ERP44: variants seen among roughly 807,000 people sequenced by gnomAD.
ERP44 encodes the protein endoplasmic reticulum protein 44.
In ERP44, 25 loss-of-function variants were observed where a neutral mutation model predicts 53.4. That is an observed-to-expected ratio of 0.47 (90% confidence interval 0.34 to 0.65). The LOEUF is 0.65. Ranked by LOEUF, ERP44 falls within the 30% of genes least tolerant of loss-of-function variation. ERP44 has a pLI of 0.01. For missense variants in ERP44, 338 were observed against 493.2 expected (o/e 0.69, Z 2.98); for synonymous variants, 145 against 161.2 (o/e 0.90, Z 0.76).
At chr9:99,998,736 CT>C (rs1830343127) in intron 10 of ERP44, 5 of 733,780 alleles carry the variant, frequency 6.8e-6, no homozygotes, top group Non-Finnish European at 1.2e-5. Context: ...CATCTCTTTT[CT>C]TTTTTCCTCT....
intron 1 of ERP44, among the ~76,000 whole-genome samples, chr9:100,093,875 A>T (rs749993423): frequency 6.6e-6 from 1 of 152,218 alleles, no homozygotes; most frequent in Non-Finnish European, 1.5e-5. Context: ...CAATAATTTG[A>T]CATTATACCT....
chr9:100,077,202 C>T (rs1826367337), intron 1 of ERP44, among the ~76,000 whole-genome samples: 1 of 152,322 alleles, frequency 6.6e-6, no homozygotes, highest in South Asian at 2.1e-4. Flanking sequence ...TCCGTGGACT[C>T]GAGGCATGCC....
At chr9:100,027,898 AAAAC>A (rs1317240186) in intron 4 of ERP44, among the ~76,000 whole-genome samples, 1 of 152,144 alleles carries the variant, frequency 6.6e-6, no homozygotes, top group Non-Finnish European at 1.5e-5. Context: ...TGCACCCCTC[AAAAC>A]AAACAAAAAA....
At chr9:99,995,920 C>CT (rs34632626) in intron 10 of ERP44, among the ~76,000 whole-genome samples, 13,994 of 121,440 alleles carry the variant, frequency 0.12, 893 homozygotes, top group African/African-American at 0.17. Context: ...TAGGGTAGTT[C>CT]TTTTTTTTTT....
At chr9:100,077,765 A>G (rs1826374257) in intron 1 of ERP44, among the ~76,000 whole-genome samples, 1 of 152,268 alleles carries the variant, frequency 6.6e-6, no homozygotes, top group Admixed American at 6.5e-5. Context: ...TGACTGACCC[A>G]GACTATGAAG....
At chr9:100,068,598 C>A (rs1457343482) in intron 1 of ERP44, among the ~76,000 whole-genome samples, 1 of 145,564 alleles carries the variant, frequency 6.9e-6, no homozygotes, top group Non-Finnish European at 1.5e-5. Context: ...CGGCCGGCTG[C>A]CCCGTCCGGG....
intron 1 of ERP44, among the ~76,000 whole-genome samples, chr9:100,073,466 A>T (rs1475758331): frequency 6.6e-6 from 1 of 152,196 alleles, no homozygotes; most frequent in African/African-American, 2.4e-5. Context: ...AACCTTAGGC[A>T]TGCATTTCTC....
chr9:100,033,090 A>G (rs1012571597), intron 4 of ERP44, among the ~76,000 whole-genome samples: 1 of 152,228 alleles, frequency 6.6e-6, no homozygotes, highest in African/African-American at 2.4e-5. Context: ...ATTTGTTTCT[A>G]CCTGATTTCT....
chr9:100,050,392 C>T (rs1185149600), intron 4 of ERP44, among the ~76,000 whole-genome samples: 6 of 151,756 alleles, frequency 4.0e-5, no homozygotes, highest in African/African-American at 7.3e-5. Context: ...AGCACTGATA[C>T]GTATATCAGT....
chr9:100,026,398 C>T (rs1032318471), intron 4 of ERP44, among the ~76,000 whole-genome samples: 1 of 152,020 alleles, frequency 6.6e-6, no homozygotes, highest in Non-Finnish European at 1.5e-5. Flanking sequence ...TTAAGACAGA[C>T]AGGAAGAAAG....
rs1472988280 is a variant in ERP44 at position 100,052,530 on chromosome 9, C to T, written c.173G>A (p.Cys58Tyr). ...VALVNFYADW[C>Y]RFSQMLHPIF... Reference sequence around the variant, plus strand: ...TGGATGCAACATCTGACTGAAACGACACCTATACACAGAGAAGGATGCCAA... The same window carrying T: ...TGGATGCAACATCTGACTGAAACGATACCTATACACAGAGAAGGATGCCAA... Residue 58 changes from cysteine (C) to tyrosine (Y), a missense_variant and splice_region_variant, in exon 4 of 12, where the codon TGT (cysteine) becomes TAT (tyrosine). Cys to Tyr is a radical substitution (Grantham distance 194, BLOSUM62 -2). Transcript: ENST00000262455. 1 of 1,563,524 alleles carries T rather than the reference C, an allele frequency of 6.4e-7. No individual in the cohort carries two copies. The highest frequency in any genetic ancestry group is 8.7e-7 in the Non-Finnish European group (1 of 1,142,976).
At position 100,018,331 on chromosome 9, in the gene ERP44, T is replaced by C. The variant is rs1392264969; in HGVS notation, c.588-18A>G. On this transcript the variant is annotated intron_variant, in intron 6 of 11. Coordinates refer to ENST00000262455, the MANE Select transcript of ERP44 (RefSeq NM_015051.3). ...AAACATCCCTATAGGAAGGGAGAAA[T>C]AGTAATAAACCTGAATGACAGAATT... 4.6e-6 allele frequency: 7 copies of C among 1,524,992 alleles called. No homozygotes were observed. The highest frequency in any genetic ancestry group is 4.1e-5 in the African/African-American group (3 of 73,310). 94.5% of individuals were successfully genotyped at this position (1,524,992 alleles called of 1,614,324 possible). A position where few individuals can be genotyped will look rare whatever the true frequency, so the allele number is the denominator to read the frequency against.
chr9:100,025,959 T>A (rs889567824), intron 4 of ERP44, among the ~76,000 whole-genome samples: 34 of 152,168 alleles, frequency 2.2e-4, no homozygotes, highest in African/African-American at 8.2e-4. Context: ...AAACTTTGTA[T>A]CATATTTTTA....
At chr9:100,011,871 T>C (rs1830480054) in intron 8 of ERP44, among the ~76,000 whole-genome samples, 1 of 152,308 alleles carries the variant, frequency 6.6e-6, no homozygotes, top group East Asian at 1.9e-4. Context: ...TATCTCTTAT[T>C]CAAAATGCTT....
intron 4 of ERP44, among the ~76,000 whole-genome samples, chr9:100,047,918 G>A (rs1445219195): frequency 6.6e-6 from 1 of 152,062 alleles, no homozygotes; most frequent in African/African-American, 2.4e-5. Context: ...ATTTTAAAAT[G>A]GGCAAAGGAG....
At chr9:100,059,564 G>A (rs1360197588) in intron 2 of ERP44, among the ~76,000 whole-genome samples, 2 of 152,074 alleles carry the variant, frequency 1.3e-5, no homozygotes, top group African/African-American at 4.8e-5. Context: ...GAGCCCACCT[G>A]TAGTCCTAGC....
At chr9:99,995,734 T>C (rs1052827616) in intron 10 of ERP44, among the ~76,000 whole-genome samples, 4 of 152,186 alleles carry the variant, frequency 2.6e-5, no homozygotes, top group Admixed American at 6.5e-5. Context: ...TAGTATCCCA[T>C]TGTGTATATA....
At chr9:100,077,719 A>G (rs1826373354) in intron 1 of ERP44, among the ~76,000 whole-genome samples, 1 of 152,234 alleles carries the variant, frequency 6.6e-6, no homozygotes, top group Admixed American at 6.5e-5. Flanking sequence ...TCTTTAAGCC[A>G]ACAGGCTAAG....
At chr9:100,068,082 GA>G (rs1256046433) in intron 1 of ERP44, among the ~76,000 whole-genome samples, 1 of 144,038 alleles carries the variant, frequency 6.9e-6, no homozygotes. Context: ...GGAGGTGGGG[GA>G]GTCAGCCCCC....
Sources: gnomAD v4.1 joint callset for allele counts (sites outside exome capture counted in the v4.1 genomes callset) on GRCh38, gnomAD v4.1.1 for gene constraint, MANE v1.5 for transcripts, NCBI Gene and HGNC (gene_info 2026-07-23, HGNC 2026-07-21) for gene names.